RSRC1: variants seen among roughly 807,000 people sequenced by gnomAD.
RSRC1 encodes the protein serine/Arginine-related protein 53.
In RSRC1, 39 loss-of-function variants were observed where a neutral mutation model predicts 49.1. The ratio of observed to expected loss-of-function variants is 0.79; its 90% CI spans 0.61 to 1.04. The LOEUF (loss-of-function observed/expected upper bound fraction) is 1.04. Ranked by LOEUF, RSRC1 falls within the 50% of genes least tolerant of loss-of-function variation. RSRC1 has a pLI of 0.00. For missense variants in RSRC1, 388 were observed against 402.4 expected (o/e 0.96, Z 0.31); for synonymous variants, 143 against 130.8 (o/e 1.09, Z -0.63).
intron 4 of RSRC1, among the ~76,000 whole-genome samples, chr3:158,270,167 G>C (rs924956763): frequency 6.6e-6 from 1 of 152,130 alleles, no homozygotes; most frequent in Non-Finnish European, 1.5e-5. Flanking sequence ...ACTCTTCATT[G>C]CTGTTCCAAT....
intron 5 of RSRC1, among the ~76,000 whole-genome samples, chr3:158,319,359 T>C (rs1032238308): frequency 2.0e-5 from 3 of 152,160 alleles, no homozygotes; most frequent in Non-Finnish European, 4.4e-5. Flanking sequence ...TTTGCTATGA[T>C]TGTAAGTTTC....
intron 3 of RSRC1, among the ~76,000 whole-genome samples, chr3:158,183,284 TTTAA>T (rs150239480): frequency 0.077 from 11,650 of 152,110 alleles, 534 homozygotes; most frequent in South Asian, 0.13. Flanking sequence ...TGAATTTTAA[TTTAA>T]TTATTTTTTC....
intron 4 of RSRC1, among the ~76,000 whole-genome samples, chr3:158,220,466 A>G (rs1048337389): frequency 6.6e-6 from 1 of 151,562 alleles, no homozygotes; most frequent in African/African-American, 2.4e-5. Flanking sequence ...AAAACCATAT[A>G]TTCTATGAAG....
intron 4 of RSRC1, among the ~76,000 whole-genome samples, chr3:158,252,286 C>CA (rs1340822256): frequency 2.6e-5 from 4 of 151,930 alleles, no homozygotes; most frequent in Non-Finnish European, 4.4e-5. Context: ...CTCAGCCTCC[C>CA]AAGTAGCTGG....
intron 6 of RSRC1, among the ~76,000 whole-genome samples, chr3:158,391,790 G>T (rs1733314000): frequency 1.3e-5 from 2 of 151,928 alleles, no homozygotes; most frequent in Non-Finnish European, 2.9e-5. Flanking sequence ...ATATTTTGTG[G>T]GTCAAATTGG....
intron 7 of RSRC1, among the ~76,000 whole-genome samples, chr3:158,515,449 C>G (rs887355578): frequency 5.9e-5 from 8 of 135,122 alleles, no homozygotes; most frequent in African/African-American, 1.2e-4. Flanking sequence ...TGGCTTGTAG[C>G]GTTTCTGCCG....
intron 4 of RSRC1, among the ~76,000 whole-genome samples, chr3:158,291,242 A>G (rs963391424): frequency 5.9e-5 from 9 of 152,174 alleles, no homozygotes; most frequent in African/African-American, 2.2e-4. Flanking sequence ...ATATATGTAC[A>G]TATTTTTACA....
intron 4 of RSRC1, among the ~76,000 whole-genome samples, chr3:158,235,628 T>C (rs148974681): frequency 7.2e-6 from 1 of 139,576 alleles, no homozygotes; most frequent in African/African-American, 2.7e-5. Flanking sequence ...GAATTTTTAC[T>C]TAAGATTAAA....
At chr3:158,163,852 A>G (rs1324125223) in intron 3 of RSRC1, among the ~76,000 whole-genome samples, 1 of 151,978 alleles carries the variant, frequency 6.6e-6, no homozygotes, top group East Asian at 1.9e-4. Context: ...CTTACTCAGC[A>G]CTGTATTCCC....
chr3:158,165,223 G>T (rs1411886530), intron 3 of RSRC1, among the ~76,000 whole-genome samples: 1 of 152,134 alleles, frequency 6.6e-6, no homozygotes, highest in Admixed American at 6.6e-5. Flanking sequence ...AGCTTTTCCT[G>T]CAATTAATGG....
At chr3:158,195,010 C>T (rs1720491834) in intron 3 of RSRC1, among the ~76,000 whole-genome samples, 1 of 152,104 alleles carries the variant, frequency 6.6e-6, no homozygotes, top group African/African-American at 2.4e-5. Context: ...TGGGTATATA[C>T]CCAGTAATGG....
chr3:158,491,686 T>C, intron 7 of RSRC1, among the ~76,000 whole-genome samples: 1 of 152,266 alleles, frequency 6.6e-6, no homozygotes, highest in South Asian at 2.1e-4. Flanking sequence ...TTGATTATCT[T>C]TGATTATCAA....
chr3:158,315,503 C>G (rs896582493), intron 5 of RSRC1, among the ~76,000 whole-genome samples: 3 of 152,158 alleles, frequency 2.0e-5, no homozygotes, highest in Admixed American at 6.5e-5. Context: ...TTATAGATGT[C>G]AGCTGTGCAA....
At chr3:158,244,701 T>C (rs975178663) in intron 4 of RSRC1, among the ~76,000 whole-genome samples, 1 of 152,214 alleles carries the variant, frequency 6.6e-6, no homozygotes, top group Non-Finnish European at 1.5e-5. Context: ...GTAGGAATGG[T>C]ACCAGCTCTT....
At chr3:158,385,726 A>C (rs1441946275) in intron 6 of RSRC1, among the ~76,000 whole-genome samples, 1 of 152,140 alleles carries the variant, frequency 6.6e-6, no homozygotes, top group Non-Finnish European at 1.5e-5. Context: ...AGAATAAACA[A>C]TCTCTAAGTC....
chr3:158,307,317 G>T (rs569361102), intron 5 of RSRC1, among the ~76,000 whole-genome samples: 28 of 151,856 alleles, frequency 1.8e-4, no homozygotes, highest in African/African-American at 6.7e-4. Context: ...TAAAGTAAAG[G>T]GTATAAACTG....
intron 6 of RSRC1, among the ~76,000 whole-genome samples, chr3:158,356,163 G>A (rs542612437): frequency 4.6e-5 from 7 of 151,828 alleles, no homozygotes; most frequent in Admixed American, 2.0e-4. Context: ...AGATGATGGG[G>A]GACTACTGTA....
chr3:158,115,948 A>G (rs905316438), intron 1 of RSRC1, among the ~76,000 whole-genome samples: 3 of 152,186 alleles, frequency 2.0e-5, no homozygotes, highest in Non-Finnish European at 2.9e-5. Context: ...GTTAAAATCT[A>G]TTGGTCTGAC....
intron 6 of RSRC1, among the ~76,000 whole-genome samples, chr3:158,362,120 T>A (rs1393728111): frequency 6.6e-6 from 1 of 152,144 alleles, no homozygotes; most frequent in Non-Finnish European, 1.5e-5. Context: ...GGGAGGATCA[T>A]TTGAGCCCAG....
Sources: gnomAD v4.1 joint callset for allele counts (sites outside exome capture counted in the v4.1 genomes callset) on GRCh38, gnomAD v4.1.1 for gene constraint, MANE v1.5 for transcripts, NCBI Gene and HGNC (gene_info 2026-07-23, HGNC 2026-07-21) for gene names.